GCNT2: variants seen among roughly 807,000 people sequenced by gnomAD.
GCNT2 encodes N-acetyllactosaminide beta-1,6-N-acetylglucosaminyl-transferase.
GCNT2 carries 34 observed loss-of-function variants against 34.2 expected under a neutral mutation model. The ratio of observed to expected loss-of-function variants is 1.00; its 90% CI spans 0.76 to 1.32. GCNT2 has a LOEUF of 1.32. Ranked by LOEUF, GCNT2 falls within the 40% of genes most tolerant of loss-of-function variation. The probability of loss-of-function intolerance (pLI) is 0.00; values close to 1 mark genes in which losing one functional copy is unlikely to be tolerated. For synonymous variants in GCNT2, 212 were observed against 188.0 expected (o/e 1.13, Z -1.04); for missense variants, 584 against 489.4 (o/e 1.19, Z -1.82).
chr6:10,575,499 T>G (rs1198893563), intron 3 of GCNT2, among the ~76,000 whole-genome samples: 2 of 152,004 alleles, frequency 1.3e-5, no homozygotes, highest in Non-Finnish European at 2.9e-5. Context: ...GTAGCTAGGA[T>G]TACAGGTGCC....
At chr6:10,570,662 T>C (rs978086448) in intron 3 of GCNT2, among the ~76,000 whole-genome samples, 1 of 152,210 alleles carries the variant, frequency 6.6e-6, no homozygotes, top group Non-Finnish European at 1.5e-5. Flanking sequence ...TTGGTCCAAG[T>C]CTGAGCTCCT....
rs1022127725 is a variant in GCNT2 at position 10,523,026 on chromosome 6, G to C, written c.-469+1609G>C. ...TATCTTTTCATGTGCAAACGCAGGC[G>C]GAAAGTGCCTTTAAGGCCTCGACTC... On this transcript the variant is annotated intron_variant, in intron 1 of 4. Transcript: ENST00000495262. Among the ~76,000 whole-genome samples the C allele has an allele frequency of 3.9e-5, 6 of 152,200 alleles. No homozygotes were observed. In the South Asian group the frequency reaches 1.2e-3, roughly 31 times the overall value.
intron 1 of GCNT2, among the ~76,000 whole-genome samples, chr6:10,524,034 C>T (rs1211653666): frequency 6.6e-6 from 1 of 150,982 alleles, no homozygotes; most frequent in Non-Finnish European, 1.5e-5. Context: ...GGAAGGAAGC[C>T]ACAGTTGGGA....
intron 3 of GCNT2, among the ~76,000 whole-genome samples, chr6:10,584,739 A>G (rs550866773): frequency 5.8e-4 from 88 of 152,356 alleles, no homozygotes; most frequent in African/African-American, 2.0e-3. Flanking sequence ...GCACAGCCCT[A>G]GATCCATTAA....
At chr6:10,625,191 A>G (rs1168908557) in intron 4 of GCNT2, among the ~76,000 whole-genome samples, 1 of 152,198 alleles carries the variant, frequency 6.6e-6, no homozygotes, top group Non-Finnish European at 1.5e-5. Flanking sequence ...CATCACAGAC[A>G]TTAACTTTGA....
chr6:10,599,750 A>C (rs958297902), intron 3 of GCNT2, among the ~76,000 whole-genome samples: 2 of 152,130 alleles, frequency 1.3e-5, no homozygotes, highest in African/African-American at 4.8e-5. Context: ...TGCTAATCTC[A>C]TGGTGGCAAA....
At chr6:10,606,706 T>C (rs1765336762) in intron 3 of GCNT2, among the ~76,000 whole-genome samples, 1 of 64,458 alleles carries the variant, frequency 1.6e-5, no homozygotes, top group South Asian at 5.4e-4. Context: ...AATCGCCACC[T>C]GCCCAGCAGT....
intron 3 of GCNT2, among the ~76,000 whole-genome samples, chr6:10,617,129 C>A: frequency 6.6e-6 from 1 of 152,170 alleles, no homozygotes; most frequent in East Asian, 1.9e-4. Context: ...GTTGGGGAGG[C>A]TCTGGCCGCG....
chr6:10,533,494 G>C (rs1761595649), intron 3 of GCNT2, among the ~76,000 whole-genome samples: 1 of 151,254 alleles, frequency 6.6e-6, no homozygotes, highest in Non-Finnish European at 1.5e-5. Context: ...TGAATTTAAA[G>C]AATGTATTTT....
At chr6:10,598,321 A>AT (rs1388097512) in intron 3 of GCNT2, among the ~76,000 whole-genome samples, 15 of 152,176 alleles carry the variant, frequency 9.9e-5, no homozygotes, top group Admixed American at 8.5e-4. Context: ...CTATGGGGGT[A>AT]TATCTCCCCT....
chr6:10,554,680 C>G (rs544349953), intron 3 of GCNT2, among the ~76,000 whole-genome samples: 1 of 152,198 alleles, frequency 6.6e-6, no homozygotes, highest in African/African-American at 2.4e-5. Flanking sequence ...AGAAGAAAAA[C>G]TTAGGATTGA....
Position 10,529,288 on chromosome 6 carries a change from T to C in GCNT2, c.377T>C (p.Val126Ala), listed in dbSNP as rs754817260. The C allele has an allele frequency of 1.1e-5, 17 of 1,614,072 alleles. No homozygotes were observed. The highest frequency in any genetic ancestry group is 1.6e-4 in the Middle Eastern group (1 of 6,084). ...TATATGCCCCAAAATGTCTACTGTG[T>C]GCACCTGGATCAGAAGGCGACGGAT... ...AIYMPQNVYCVHLDQKATDAF... is the reference protein window; with the variant it reads ...AIYMPQNVYCAHLDQKATDAF... Residue 126 changes from valine to alanine, a missense_variant, in exon 3 of 5, where the codon GTG becomes GCG. Val to Ala is a moderately conservative substitution (Grantham distance 64). Transcript: ENST00000495262.
At chr6:10,525,757 G>A (rs1037360894) in intron 1 of GCNT2, among the ~76,000 whole-genome samples, 4 of 152,164 alleles carry the variant, frequency 2.6e-5, no homozygotes, top group South Asian at 2.1e-4. Flanking sequence ...AAGTAAAGAC[G>A]TATGAACTTT....
Position 10,595,023 on chromosome 6 carries a change from C to A in GCNT2, c.926-26328C>A, listed in dbSNP as rs189385931. ...ACCATGCCCTGCTAATTTTTAATTT[C>A]TTGTCGAGTCGGGGTTTTACTATGT... On this transcript the variant is annotated intron_variant, in intron 3 of 4. Transcript: ENST00000495262. Among the ~76,000 whole-genome samples, 244 of 152,012 alleles carry A rather than the reference C, an allele frequency of 1.6e-3. 1 individual carries two copies. Among genetic ancestry groups the A allele is most frequent in the African/African-American group, 5.8e-3 (242 of 41,448 alleles).
intron 3 of GCNT2, among the ~76,000 whole-genome samples, chr6:10,579,384 T>C (rs1763965877): frequency 6.6e-6 from 1 of 152,232 alleles, no homozygotes; most frequent in Non-Finnish European, 1.5e-5. Flanking sequence ...TCCATTTCTA[T>C]TTGTTTCACT....
chr6:10,604,629 G>A (rs1228443486), intron 3 of GCNT2, among the ~76,000 whole-genome samples: 1 of 152,116 alleles, frequency 6.6e-6, no homozygotes, highest in African/African-American at 2.4e-5. Context: ...GAGAGGCCAA[G>A]GCAGGTGGGT....
chr6:10,551,501 A>C (rs1194595103), intron 3 of GCNT2, among the ~76,000 whole-genome samples: 1 of 149,298 alleles, frequency 6.7e-6, no homozygotes, highest in Non-Finnish European at 1.5e-5. Flanking sequence ...GCTGGAGTGC[A>C]ACGGCACGAT....
chr6:10,574,236 G>C (rs977936519), intron 3 of GCNT2, among the ~76,000 whole-genome samples: 2 of 152,134 alleles, frequency 1.3e-5, no homozygotes, highest in Non-Finnish European at 1.5e-5. Context: ...AGAGAAGCTT[G>C]TCCACTCATG....
chr6:10,569,008 C>T (rs1259864291), intron 3 of GCNT2, among the ~76,000 whole-genome samples: 3 of 151,996 alleles, frequency 2.0e-5, no homozygotes, highest in Non-Finnish European at 4.4e-5. Flanking sequence ...TCTGCATTAT[C>T]ATTATTAATG....
Sources: allele counts gnomAD v4.1 joint callset (sites outside exome capture counted in the v4.1 genomes callset), GRCh38; gene constraint gnomAD v4.1.1; transcripts MANE v1.5; gene names NCBI Gene and HGNC (gene_info 2026-07-23, HGNC 2026-07-21).